Variants in ANKRD44 observed in about 807,000 individuals in gnomAD.
ANKRD44 encodes serine/threonine-protein phosphatase 6 regulatory ankyrin repeat subunit B.
A neutral mutation model predicts 116.0 loss-of-function variants in ANKRD44; 35 were observed. The observed-to-expected ratio is 0.30, with a 90% CI of 0.23 to 0.40. The LOEUF is 0.40. ANKRD44 is among the 10% of genes least tolerant of loss of function. The pLI is 1.00. For missense variants in ANKRD44, 1,014 were observed against 1,242.6 expected (o/e 0.82, Z 2.77); for synonymous variants, 435 against 461.8 (o/e 0.94, Z 0.74).
intron 16 of ANKRD44, among the ~76,000 whole-genome samples, chr2:197,031,568 C>T (rs2076708503): frequency 6.6e-6 from 1 of 152,182 alleles, no homozygotes; most frequent in Admixed American, 6.5e-5. Context: ...AAAGCTATAA[C>T]CTTTCATCTA....
intron 19 of ANKRD44, 72 bp downstream of exon 19, chr2:197,008,872 T>C (rs1332647239): frequency 3.2e-5 from 43 of 1,341,116 alleles, no homozygotes; most frequent in Middle Eastern, 1.8e-4. Context: ...AGCCTTGTAA[T>C]GATTTAAGAA....
intron 16 of ANKRD44, among the ~76,000 whole-genome samples, chr2:197,073,416 C>T (rs2077601259): frequency 1.3e-5 from 2 of 152,160 alleles, no homozygotes; most frequent in African/African-American, 4.8e-5. Flanking sequence ...AAGGAGAACC[C>T]CAGGCTAGCT....
chr2:196,970,920 C>T (rs539559250), intron 21 of ANKRD44, among the ~76,000 whole-genome samples: 3 of 152,280 alleles, frequency 2.0e-5, no homozygotes, highest in African/African-American at 7.2e-5. Context: ...TCACACTTGT[C>T]TCAAATGCCT....
rs982123522 is a variant in ANKRD44 at position 197,112,744 on chromosome 2, A to G, written c.907-1900T>C. On this transcript the variant is annotated intron_variant, in intron 8 of 27. Coordinates refer to ENST00000282272, the MANE Select transcript of ANKRD44 (RefSeq NM_001195144.2). Reference sequence around the variant, plus strand: ...AAAAGAAAAAAAGAAAAGAAAAAAAAAGAAAGAAAGAAAAAGAAATATGAA... The same window carrying G: ...AAAAGAAAAAAAGAAAAGAAAAAAAGAGAAAGAAAGAAAAAGAAATATGAA... 5.3e-5 allele frequency among the ~76,000 whole-genome samples: 8 copies of G among 151,910 alleles called. 1 individual carries two copies. Among genetic ancestry groups the G allele is most frequent in the Admixed American group, 5.2e-4 (8 of 15,268 alleles).
At chr2:197,058,567 A>G (rs2077248267) in intron 16 of ANKRD44, among the ~76,000 whole-genome samples, 1 of 152,128 alleles carries the variant, frequency 6.6e-6, no homozygotes, top group Non-Finnish European at 1.5e-5. Context: ...CACCTTCCAG[A>G]GCATTATGAG....
chr2:197,278,688 A>C (rs966020387), intron 1 of ANKRD44, among the ~76,000 whole-genome samples: 1 of 152,184 alleles, frequency 6.6e-6, no homozygotes, highest in Non-Finnish European at 1.5e-5. Context: ...CTTTACACCC[A>C]TGTTACAGGC....
At chr2:197,044,706 G>A (rs545684816) in intron 16 of ANKRD44, among the ~76,000 whole-genome samples, 76 of 152,188 alleles carry the variant, frequency 5.0e-4, no homozygotes, top group African/African-American at 1.8e-3. Flanking sequence ...ACATGATCTC[G>A]ATGAATGCCC....
intron 6 of ANKRD44, 110 bp from the exon 7 acceptor site, chr2:197,122,902 G>T: frequency 7.5e-7 from 1 of 1,342,164 alleles, no homozygotes; most frequent in Non-Finnish European, 1.0e-6. Flanking sequence ...GTATTTTGCT[G>T]AGTTATTTGT....
chr2:197,264,223 G>A (rs1365423520), intron 1 of ANKRD44, among the ~76,000 whole-genome samples: 1 of 152,166 alleles, frequency 6.6e-6, no homozygotes, highest in Non-Finnish European at 1.5e-5. Flanking sequence ...TGGTAGAGAT[G>A]GCATAGTAAT....
exon 22 of ANKRD44, chr2:196,967,446 C>A (rs1173432064): frequency 2.1e-6 from 1 of 467,262 alleles, no homozygotes; most frequent in Non-Finnish European, 4.5e-6. Flanking sequence ...TGGTTAACAG[C>A]CTGAGTTGCC....
rs1173231622 is a variant in ANKRD44, at chr2:197,201,304, T to C, written c.28-14198A>G. ...TACAGAAAATAAGGGAGTGAGTTACTGAGTTTTTAACAAGGAGAGTAAGTT... is the reference window on the plus strand; with the variant it reads ...TACAGAAAATAAGGGAGTGAGTTACCGAGTTTTTAACAAGGAGAGTAAGTT... On this transcript the variant is annotated intron_variant, in intron 1 of 27. Transcript: ENST00000282272. This position sits in a 1 kb window ranked among gnomAD's most constrained non-coding sequence, Gnocchi z 4.0. Among the ~76,000 whole-genome samples the C allele has an allele frequency of 3.9e-5, 6 of 152,254 alleles. No homozygotes were observed. The highest frequency in any genetic ancestry group is 8.8e-5 in the Non-Finnish European group (6 of 68,044).
intron 21 of ANKRD44, among the ~76,000 whole-genome samples, chr2:196,980,365 G>A (rs1323180265): frequency 3.3e-5 from 5 of 151,980 alleles, no homozygotes; most frequent in Non-Finnish European, 7.4e-5. Context: ...GTAAATTTCA[G>A]GCCTGAAGAA....
At chr2:197,078,503 G>A in intron 16 of ANKRD44, 200 bp downstream of exon 16, 1 of 1,380,202 alleles carries the variant, frequency 7.2e-7, no homozygotes, top group Non-Finnish European at 9.5e-7. Flanking sequence ...GGGTGGTGGT[G>A]GGGCTCTAAC....
At chr2:197,273,969 AAAAAAAAAAAAATAT>A (rs1559207899) in intron 1 of ANKRD44, among the ~76,000 whole-genome samples, 1 of 47,234 alleles carries the variant, frequency 2.1e-5, no homozygotes, top group African/African-American at 7.5e-5. Flanking sequence ...ACAAAAAAAA[AAAAAAAAAAAAATAT>A]ATATATATAT....
chr2:197,000,299 T>C, intron 23 of ANKRD44, 120 bp downstream of exon 23: 1 of 777,610 alleles, frequency 1.3e-6, no homozygotes, highest in East Asian at 2.7e-5. Flanking sequence ...TCTGTAATAT[T>C]AAAAACCATG....
intron 1 of ANKRD44, among the ~76,000 whole-genome samples, chr2:197,265,984 T>TA (rs747038516): frequency 6.6e-6 from 1 of 152,014 alleles, no homozygotes; most frequent in Non-Finnish European, 1.5e-5. Flanking sequence ...TAGCCCTATA[T>TA]AAAAATGACC....
At chr2:197,248,481 G>C (rs2082240702) in intron 1 of ANKRD44, among the ~76,000 whole-genome samples, 2 of 150,588 alleles carry the variant, frequency 1.3e-5, no homozygotes, top group African/African-American at 4.9e-5. Flanking sequence ...ATTCCTTATA[G>C]TTCCTCCGTG....
intron 1 of ANKRD44, among the ~76,000 whole-genome samples, chr2:197,194,568 A>G (rs190293264): frequency 3.9e-5 from 6 of 152,310 alleles, no homozygotes; most frequent in Admixed American, 1.3e-4. Flanking sequence ...TTTCTCTCAC[A>G]TGTAATATAA....
intron 3 of ANKRD44, among the ~76,000 whole-genome samples, chr2:197,144,448 A>G (rs1006345029): frequency 6.6e-6 from 1 of 152,224 alleles, no homozygotes; most frequent in Non-Finnish European, 1.5e-5. Context: ...CTCTTGCAAT[A>G]TTATGAACTT....
Sources: allele counts gnomAD v4.1 joint callset (sites outside exome capture counted in the v4.1 genomes callset), GRCh38; gene constraint gnomAD v4.1.1; non-coding constraint Gnocchi (gnomAD v3.1); transcripts MANE v1.5; gene names NCBI Gene and HGNC (gene_info 2026-07-23, HGNC 2026-07-21).